Variants in ADAMTSL1 observed in about 807,000 individuals in gnomAD.
The protein encoded by ADAMTSL1 is ADAMTS like 1, also known as ADAMTS-like protein 1.
A neutral mutation model predicts 201.8 loss-of-function variants in ADAMTSL1; 126 were observed. That is an observed-to-expected ratio of 0.62 (90% CI 0.54 to 0.72). ADAMTSL1 has a LOEUF of 0.72. Among genes scored for constraint, ADAMTSL1 ranks in the 30% least tolerant of loss-of-function variants. The probability of loss-of-function intolerance (pLI) is 0.00; values close to 1 mark genes in which losing one functional copy is unlikely to be tolerated. For synonymous variants in ADAMTSL1, 1,121 were observed against 903.4 expected (o/e 1.24, Z -4.32); for missense variants, 2,679 against 2,277.8 (o/e 1.18, Z -3.59).
intron 16 of ADAMTSL1, among the ~76,000 whole-genome samples, chr9:18,760,971 CA>C (rs2133660613): frequency 6.6e-6 from 1 of 152,332 alleles, no homozygotes; most frequent in South Asian, 2.1e-4. Context: ...TTTTCTCCCT[CA>C]CTGGACTGCA....
intron 1 of ADAMTSL1, among the ~76,000 whole-genome samples, chr9:18,486,283 G>C (rs779008006): frequency 4.3e-4 from 65 of 152,198 alleles, no homozygotes; most frequent in Non-Finnish European, 8.2e-4. Flanking sequence ...AAAAAGTTAA[G>C]AACTTTCTGT....
At chr9:18,017,861 G>T (rs1199983623) in intron 1 of ADAMTSL1, among the ~76,000 whole-genome samples, 1 of 152,020 alleles carries the variant, frequency 6.6e-6, no homozygotes. Context: ...TTCCTGGCAT[G>T]TGAAGTAATC....
chr9:18,331,065 TC>T (rs1835009162), intron 2 of ADAMTSL1, among the ~76,000 whole-genome samples: 1 of 151,532 alleles, frequency 6.6e-6, no homozygotes, highest in Admixed American at 6.6e-5. Flanking sequence ...TGGAGGGTGC[TC>T]ACAAACAGAG....
chr9:18,068,699 A>G (rs1428598511), intron 1 of ADAMTSL1, among the ~76,000 whole-genome samples: 1 of 152,344 alleles, frequency 6.6e-6, no homozygotes, highest in South Asian at 2.1e-4. Flanking sequence ...TTGTGAATCT[A>G]GAAATTTTAA....
chr9:18,544,304 A>G (rs1820342803), intron 3 of ADAMTSL1, among the ~76,000 whole-genome samples: 1 of 152,200 alleles, frequency 6.6e-6, no homozygotes, highest in South Asian at 2.1e-4. Flanking sequence ...GTATCACATC[A>G]GCATTAAACA....
chr9:18,640,437 G>A (rs916584170), intron 7 of ADAMTSL1, among the ~76,000 whole-genome samples: 8 of 152,080 alleles, frequency 5.3e-5, no homozygotes, highest in African/African-American at 1.7e-4. Context: ...GTATACTATA[G>A]TAATTTCCCT....
chr9:18,890,866 T>C, intron 25 of ADAMTSL1: 1 of 291,642 alleles, frequency 3.4e-6, no homozygotes, highest in Non-Finnish European at 6.7e-6. Context: ...GAAGAGATCT[T>C]TGATGTGCCA....
At chr9:18,771,199 C>T (rs1290086743) in intron 17 of ADAMTSL1, among the ~76,000 whole-genome samples, 1 of 152,144 alleles carries the variant, frequency 6.6e-6, no homozygotes, top group Non-Finnish European at 1.5e-5. Flanking sequence ...AAGTCTCTTC[C>T]AAGTTACTGG....
At chr9:18,138,844 G>A (rs868047099) in intron 1 of ADAMTSL1, among the ~76,000 whole-genome samples, 16 of 152,192 alleles carry the variant, frequency 1.1e-4, no homozygotes, top group East Asian at 3.9e-4. Flanking sequence ...AAGATCTAAC[G>A]CTCTGCCTCA....
chr9:18,777,530 G>A lies in ADAMTSL1; in HGVS notation c.3301G>A (p.Val1101Met). 1 of 1,602,780 alleles carries A rather than the reference G, an allele frequency of 6.2e-7. No homozygotes were observed. The highest frequency in any genetic ancestry group is 1.7e-4 in the Middle Eastern group (1 of 6,054). The change falls in exon 19 of 29, where the codon GTG (valine) becomes ATG (methionine). Residue 1101 changes from valine to methionine, a missense_variant. Transcript: ENST00000380548. ...GCGCGACCTCTACAGCAAGCACCTG[G>A]TGGCCCAGCTGGCCCAGGAGATCTT... Reference protein sequence around the residue: ...ELRDLYSKHLVAQLAQEIFRS... With the variant: ...ELRDLYSKHLMAQLAQEIFRS...
intron 2 of ADAMTSL1, among the ~76,000 whole-genome samples, chr9:18,463,907 T>C (rs1031347408): frequency 6.6e-6 from 1 of 152,238 alleles, no homozygotes; most frequent in African/African-American, 2.4e-5. Flanking sequence ...ATGGCAATTC[T>C]ATGTTTAATT....
chr9:18,690,536 A>C (rs1307418484), intron 13 of ADAMTSL1, among the ~76,000 whole-genome samples: 1 of 152,200 alleles, frequency 6.6e-6, no homozygotes, highest in Non-Finnish European at 1.5e-5. Context: ...TTATGTGTAG[A>C]AACAGGTGAG....
chr9:18,866,116 C>CAAAAAAA lies in ADAMTSL1; in HGVS notation c.4250-21707_4250-21701dup, dbSNP rs76778655. Among the ~76,000 whole-genome samples the CAAAAAAA allele has an allele frequency of 2.2e-4, 17 of 78,570 alleles. 3 individuals carry two copies. The highest frequency in any genetic ancestry group is 7.8e-4 in the East Asian group (2 of 2,548). 51.5% of individuals were successfully genotyped at this position (78,570 alleles called of 152,430 possible). On this transcript the variant is annotated intron_variant, in intron 23 of 28. Coordinates refer to ENST00000380548, the MANE Select transcript of ADAMTSL1 (RefSeq NM_001040272.6). Reference sequence around the variant, plus strand: ...AGAGAGATTGCTTGCCTTCAAAAACCAAAAAAAAAAAAAATGACGGATACT... The same window carrying CAAAAAAA: ...AGAGAGATTGCTTGCCTTCAAAAACCAAAAAAAAAAAAAAAAAAAAATGACGGATACT...
Position 18,026,843 on chromosome 9 carries a change from T to C in ADAMTSL1, c.87+119921T>C, listed in dbSNP as rs1820719203. ...GTGAATCCATCTTGTCCAGGGCTTT[T>C]TTTGGTTAGTAGGATTTTTATTACT... On this transcript the variant is annotated intron_variant, in intron 1 of 29. Coordinates refer to the ADAMTSL1 transcript ENST00000680146. Among the ~76,000 whole-genome samples the C allele has an allele frequency of 3.9e-5, 6 of 152,048 alleles. No individual in the cohort carries two copies. In the South Asian group the frequency reaches 1.2e-3, roughly 32 times the overall value.
At chr9:18,201,361 A>G (rs1258392388) in intron 2 of ADAMTSL1, among the ~76,000 whole-genome samples, 1 of 152,094 alleles carries the variant, frequency 6.6e-6, no homozygotes, top group Non-Finnish European at 1.5e-5. Flanking sequence ...GATTAAGAAG[A>G]GCATGCTTTG....
intron 2 of ADAMTSL1, among the ~76,000 whole-genome samples, chr9:18,232,252 C>G (rs1048357239): frequency 6.6e-6 from 1 of 152,152 alleles, no homozygotes; most frequent in Non-Finnish European, 1.5e-5. Flanking sequence ...GCTGTTCCCT[C>G]TACTTGGACT....
intron 1 of ADAMTSL1, among the ~76,000 whole-genome samples, chr9:18,137,209 A>G (rs189640903): frequency 1.2e-4 from 19 of 152,322 alleles, no homozygotes; most frequent in African/African-American, 3.8e-4. Context: ...GTCTAGTCTT[A>G]GATTTTCTTT....
chr9:18,328,809 G>A (rs1834924910), intron 2 of ADAMTSL1, among the ~76,000 whole-genome samples: 1 of 152,154 alleles, frequency 6.6e-6, no homozygotes, highest in Non-Finnish European at 1.5e-5. Context: ...TCCAGAAAGG[G>A]TCACTGACCC....
At chr9:18,351,976 G>T (rs191347058) in intron 2 of ADAMTSL1, among the ~76,000 whole-genome samples, 1 of 152,116 alleles carries the variant, frequency 6.6e-6, no homozygotes, top group Non-Finnish European at 1.5e-5. Flanking sequence ...CAATCACTCC[G>T]TAATTTGTAG....
Sources: gnomAD v4.1 joint callset for allele counts (sites outside exome capture counted in the v4.1 genomes callset) on GRCh38, gnomAD v4.1.1 for gene constraint, MANE v1.5 for transcripts, NCBI Gene and HGNC (gene_info 2026-07-23, HGNC 2026-07-21) for gene names.